FAXC: variants seen among roughly 807,000 people sequenced by gnomAD.
FAXC encodes the protein failed axon connections homolog.
A neutral mutation model predicts 41.9 loss-of-function variants in FAXC; 10 were observed. That is an observed-to-expected ratio of 0.24 (90% CI 0.15 to 0.41). The LOEUF (loss-of-function observed/expected upper bound fraction) is 0.41, where lower values mean the gene tolerates loss of function less well. Among genes scored for constraint, FAXC ranks in the 10% least tolerant of loss-of-function variants. FAXC has a pLI of 1.00. For missense variants in FAXC, 399 were observed against 510.9 expected (o/e 0.78, Z 2.11); for synonymous variants, 183 against 183.8 (o/e 1.00, Z 0.03).
intron 4 of FAXC, among the ~76,000 whole-genome samples, chr6:99,293,919 G>A (rs1771358564): frequency 6.6e-6 from 1 of 152,158 alleles, no homozygotes; most frequent in Admixed American, 6.6e-5. Context: ...AGTATCTGAT[G>A]ACAATGCACA....
chr6:99,277,831 A>G lies in FAXC; in HGVS notation c.*3333T>C, dbSNP rs1259423244. 1.3e-5 allele frequency: 2 copies of G among 152,210 alleles called. No individual in the cohort carries two copies. The highest frequency in any genetic ancestry group is 2.9e-5 in the Non-Finnish European group (2 of 68,034). 9.4% of individuals were successfully genotyped at this position (152,210 alleles called of 1,614,324 possible). The stretch of plus-strand genomic sequence containing the variant: ...TAATGGAAAGAACCATATTGACCTC[A>G]GTTTTTGGTCCTGCCCTTCAAATAA... On this transcript the variant is annotated 3_prime_UTR_variant, in exon 6 of 6. Coordinates refer to ENST00000389677, the MANE Select transcript of FAXC (RefSeq NM_032511.4).
intron 4 of FAXC, among the ~76,000 whole-genome samples, chr6:99,301,614 T>A (rs1200104712): frequency 6.6e-6 from 1 of 152,218 alleles, no homozygotes; most frequent in Non-Finnish European, 1.5e-5. Flanking sequence ...AGCTCTGTAA[T>A]CTTGGAATAG....
chr6:99,317,853 C>T (rs574156581), intron 4 of FAXC, among the ~76,000 whole-genome samples: 1 of 152,314 alleles, frequency 6.6e-6, no homozygotes, highest in South Asian at 2.1e-4. Context: ...GGCCTGATAA[C>T]AGAAATACTA....
intron 2 of FAXC, among the ~76,000 whole-genome samples, chr6:99,338,950 A>C (rs562141931): frequency 2.0e-5 from 3 of 152,202 alleles, no homozygotes; most frequent in Admixed American, 2.0e-4. Flanking sequence ...CCCAATCCGA[A>C]GTCTGGACTC....
chr6:99,318,908 C>CA (rs757697712), intron 4 of FAXC, among the ~76,000 whole-genome samples: 61 of 152,302 alleles, frequency 4.0e-4, no homozygotes, highest in Non-Finnish European at 5.0e-4. Context: ...CGCTGGTTCC[C>CA]AAAAACCTCA....
rs17059395 is a variant in FAXC, at chr6:99,333,869, T to C, written c.403-322A>G. On this transcript the variant is annotated intron_variant, in intron 2 of 5. Transcript: ENST00000389677. Reference sequence around the variant, plus strand: ...CAGATTGAAAGGGCTGAAATGACCCTAGTAATAGTCAGTCTAGTTTTAATG... The same window carrying C: ...CAGATTGAAAGGGCTGAAATGACCCCAGTAATAGTCAGTCTAGTTTTAATG... 8.3e-3 allele frequency among the ~76,000 whole-genome samples: 1,262 copies of C among 152,256 alleles called. 15 individuals are homozygous for C. The highest frequency in any genetic ancestry group is 0.028 in the African/African-American group (1,180 of 41,540).
intron 3 of FAXC, among the ~76,000 whole-genome samples, chr6:99,324,948 A>G (rs529894693): frequency 6.6e-6 from 1 of 152,270 alleles, no homozygotes; most frequent in East Asian, 1.9e-4. Context: ...TCGAGAGGGC[A>G]AGGCAGGAGG....
chr6:99,327,224 T>C (rs536259483), intron 3 of FAXC, among the ~76,000 whole-genome samples: 2 of 152,190 alleles, frequency 1.3e-5, no homozygotes, highest in Non-Finnish European at 2.9e-5. Context: ...GCCAGTGAAA[T>C]GTGTATAAAC....
rs1272392528 is a variant in FAXC at position 99,273,716 on chromosome 6, A to T, written c.*7448T>A. The T allele has an allele frequency of 6.6e-6, 1 of 151,984 alleles. No homozygotes were observed. Among genetic ancestry groups the T allele is most frequent in the Non-Finnish European group, 1.5e-5 (1 of 68,028 alleles). 9.4% of individuals were successfully genotyped at this position (151,984 alleles called of 1,614,324 possible). A position where few individuals can be genotyped will look rare whatever the true frequency, so the allele number is the denominator to read the frequency against. On this transcript the variant is annotated 3_prime_UTR_variant, in exon 6 of 6. Transcript: ENST00000389677. ...GCTTTGCCACAAATGGTATATACAC[A>T]TTCTCTAATCAATTACAGGCATCTG... is the stretch of plus-strand genomic sequence containing the variant.
intron 1 of FAXC, among the ~76,000 whole-genome samples, chr6:99,343,327 C>T (rs1229716926): frequency 6.6e-6 from 1 of 152,194 alleles, no homozygotes; most frequent in Non-Finnish European, 1.5e-5. Context: ...CCTATGGCCT[C>T]CGGGCAGCAA....
chr6:99,298,913 T>C (rs1410937665), intron 4 of FAXC, among the ~76,000 whole-genome samples: 1 of 152,186 alleles, frequency 6.6e-6, no homozygotes, highest in Admixed American at 6.5e-5. Context: ...TCCTACCAGA[T>C]ACTCCCCATC....
intron 3 of FAXC, among the ~76,000 whole-genome samples, chr6:99,326,594 T>C (rs1157253496): frequency 6.6e-6 from 1 of 152,104 alleles, no homozygotes; most frequent in African/African-American, 2.4e-5. Context: ...AGAGAACTGG[T>C]GAGCAGGGGC....
rs1207575542 is a variant in FAXC, at chr6:99,272,146, A to ATATATGTGTGTGTGTGTG, written c.*9017_*9018insCACACACACACACATATA. On this transcript the variant is annotated 3_prime_UTR_variant, in exon 6 of 6. Coordinates refer to ENST00000389677, the MANE Select transcript of FAXC (RefSeq NM_032511.4). Reference sequence around the variant, plus strand: ...AGGTATGAAAACTAATTGAGACTATATGTGTGTGTGTGTGTGTGTGTGTGT... The same window carrying ATATATGTGTGTGTGTGTG: ...AGGTATGAAAACTAATTGAGACTATATATATGTGTGTGTGTGTGTGTGTGTGTGTGTGTGTGTGTGTGT... 1 of 143,886 alleles carries ATATATGTGTGTGTGTGTG rather than the reference A, an allele frequency of 6.9e-6. No homozygotes were observed. Among genetic ancestry groups the ATATATGTGTGTGTGTGTG allele is most frequent in the East Asian group, 2.2e-4 (1 of 4,490 alleles). 8.9% of individuals were successfully genotyped at this position (143,886 alleles called of 1,614,324 possible). A position where few individuals can be genotyped will look rare whatever the true frequency, so the allele number is the denominator to read the frequency against.
chr6:99,350,015 C>T (rs1773756013), upstream of FAXC: 1 of 152,174 alleles, frequency 6.6e-6, no homozygotes, highest in Admixed American at 6.5e-5. Context: ...GCAGGACTCA[C>T]CTGGGGCGGC....
rs1486598321 is a variant in FAXC at position 99,323,455 on chromosome 6, G to C, written c.812C>G (p.Ala271Gly). Residue 271 changes from alanine (A) to glycine (G), a missense_variant, in exon 4 of 6, where the codon GCA becomes GGA. Coordinates refer to ENST00000389677, the MANE Select transcript of FAXC (RefSeq NM_032511.4). The part of the protein sequence containing the change: ...MLMEKDMRSL[A>G]GLLGDKKYIM... ...GTGTGGTACATTACCCAAAAGCCCT[G>C]CTAAAGACCGCATGTCCTTCTCCAT... is the stretch of plus-strand genomic sequence containing the variant. The C allele has an allele frequency of 1.2e-6, 2 of 1,613,956 alleles. No homozygotes were observed. The highest frequency in any genetic ancestry group is 2.7e-5 in the African/African-American group (2 of 74,948).
intron 4 of FAXC, among the ~76,000 whole-genome samples, chr6:99,297,228 G>A (rs977571202): frequency 1.3e-5 from 2 of 152,140 alleles, no homozygotes; most frequent in African/African-American, 2.4e-5. Context: ...GGAGATAAGG[G>A]ACACAGCAAA....
Position 99,278,316 on chromosome 6 carries a change from G to A in FAXC, c.*2848C>T, listed in dbSNP as rs1280495303. ...GGGGTACAGATGGGCAAAGAGAGGT[G>A]GATGCAAGAGCTTGATTTACTTTTA... On this transcript the variant is annotated 3_prime_UTR_variant, in exon 6 of 6. Transcript: ENST00000389677. 1 of 152,172 alleles carries A rather than the reference G, an allele frequency of 6.6e-6. No homozygotes were observed. The highest frequency in any genetic ancestry group is 2.4e-5 in the African/African-American group (1 of 41,454). 9.4% of individuals were successfully genotyped at this position (152,172 alleles called of 1,614,324 possible).
chr6:99,309,614 T>C (rs1417126269), intron 4 of FAXC, among the ~76,000 whole-genome samples: 1 of 152,190 alleles, frequency 6.6e-6, no homozygotes, highest in Non-Finnish European at 1.5e-5. Flanking sequence ...TATTGAAAGA[T>C]ACCAGGCCCT....
chr6:99,349,523 G>T lies in FAXC; in HGVS notation c.-151C>A. Reference sequence around the variant, plus strand: ...AGGAGGCGGCGGCGACTGAGGAGGCGGCGGCAGAGGAGGAGGAGGAGGAAG... The same window carrying T: ...AGGAGGCGGCGGCGACTGAGGAGGCTGCGGCAGAGGAGGAGGAGGAGGAAG... On this transcript the variant is annotated 5_prime_UTR_variant, in exon 1 of 6. Transcript: ENST00000389677. The T allele has an allele frequency of 2.4e-6, 1 of 415,602 alleles. No homozygotes were observed. The highest frequency in any genetic ancestry group is 3.2e-6 in the Non-Finnish European group (1 of 316,498). The allele number at this position is 415,602 out of a possible 1,614,324, so 25.7% of individuals were successfully genotyped here. A position where few individuals can be genotyped will look rare whatever the true frequency, so the allele number is the denominator to read the frequency against.
Sources: gnomAD v4.1 joint callset for allele counts (sites outside exome capture counted in the v4.1 genomes callset) on GRCh38, gnomAD v4.1.1 for gene constraint, MANE v1.5 for transcripts, NCBI Gene and HGNC (gene_info 2026-07-23, HGNC 2026-07-21) for gene names.